Variants in TUBGCP5 observed in about 807,000 individuals in gnomAD.
TUBGCP5 encodes the protein tubulin gamma complex component 5.
A neutral mutation model predicts 134.7 loss-of-function variants in TUBGCP5; 98 were observed. That is an observed-to-expected ratio of 0.73 (90% CI 0.62 to 0.86). TUBGCP5 has a LOEUF of 0.86. Ranked by LOEUF, TUBGCP5 falls within the 40% of genes least tolerant of loss-of-function variation. TUBGCP5 has a pLI of 0.00. For synonymous variants in TUBGCP5, 456 were observed against 431.4 expected (o/e 1.06, Z -0.71); for missense variants, 1,150 against 1,244.8 (o/e 0.92, Z 1.15).
rs560459548 is a variant in TUBGCP5 at position 23,007,617 on chromosome 15, CA to C, written c.2327+1081del. On this transcript the variant is annotated intron_variant, in intron 16 of 22. Coordinates refer to ENST00000615383, the MANE Select transcript of TUBGCP5 (RefSeq NM_052903.6). ...GGCCCATGAACTGGAGACTATGTCA[CA>C]GGGGGGCGGGAGGACAGCACTAGCA... 3.0e-3 allele frequency among the ~76,000 whole-genome samples: 462 copies of C among 152,256 alleles called. 2 individuals carry two copies. The highest frequency in any genetic ancestry group is 3.2e-3 in the Non-Finnish European group (219 of 68,020).
intron 1 of TUBGCP5, among the ~76,000 whole-genome samples, chr15:23,038,716 C>T (rs900880105): frequency 5.3e-5 from 8 of 152,028 alleles, no homozygotes; most frequent in African/African-American, 1.4e-4. Flanking sequence ...GGTAATGACT[C>T]TAAAAGTATT....
rs116377868 is a variant in TUBGCP5 at position 23,031,794 on chromosome 15, C to T, written c.486+156G>A. On this transcript the variant is annotated intron_variant, in intron 5 of 22. Coordinates refer to ENST00000615383, the MANE Select transcript of TUBGCP5 (RefSeq NM_052903.6). ...ACTTCTTACCACTAATGATTTGGTG[C>T]GAAATCCTAATCAGTCTTCCATAAT... is the stretch of plus-strand genomic sequence containing the variant. 9.6e-3 allele frequency among the ~76,000 whole-genome samples: 1,463 copies of T among 152,110 alleles called. 21 individuals carry two copies. Among genetic ancestry groups the T allele is most frequent in the African/African-American group, 0.033 (1,376 of 41,476 alleles).
chr15:23,010,988 CAA>C (rs371870854), intron 14 of TUBGCP5, 143 bp downstream of exon 14: 1,098 of 627,192 alleles, frequency 1.8e-3, no homozygotes, highest in South Asian at 2.2e-3. Context: ...CTCAAACAAA[CAA>C]AAAAAAAAAA....
At chr15:22,984,445 C>A (rs2063622019) in intron 23 of TUBGCP5, among the ~76,000 whole-genome samples, 2 of 152,022 alleles carry the variant, frequency 1.3e-5, no homozygotes, top group Admixed American at 1.3e-4. Context: ...CGTGGCGAAA[C>A]CCTGTCTCTA....
Position 23,039,545 on chromosome 15 carries a change from T to C in TUBGCP5, c.-2A>G, listed in dbSNP as rs573198668. The C allele has an allele frequency of 7.0e-5, 102 of 1,452,186 alleles. No homozygotes were observed. In the African/African-American group the frequency reaches 1.4e-3, roughly 20 times the overall value. 90.0% of individuals were successfully genotyped at this position (1,452,186 alleles called of 1,614,324 possible). A position where few individuals can be genotyped will look rare whatever the true frequency, so the allele number is the denominator to read the frequency against. ...CCACGGTGGCCCGTGCCGCGCCATG[T>C]TCCGCGCTCCTGCAGCGCGCGTCTA... On this transcript the variant is annotated 5_prime_UTR_variant, in exon 1 of 23. Transcript: ENST00000615383.
chr15:23,026,140 G>C lies in TUBGCP5; in HGVS notation c.803C>G (p.Thr268Ser), dbSNP rs777865631. 5 of 1,610,182 alleles carry C rather than the reference G, an allele frequency of 3.1e-6. No individual in the cohort carries two copies. The South Asian group carries it at 4.4e-5, about 14-fold the overall frequency. The part of the protein sequence containing the change: ...VPDDRVLVTE[T>S]QVIRETLWLL... Reference sequence around the variant, plus strand: ...CCATAGGGTTTCCCGAATAACCTGAGTCTCAGTAACCAAAACCCTGTCATC... The same window carrying C: ...CCATAGGGTTTCCCGAATAACCTGACTCTCAGTAACCAAAACCCTGTCATC... Residue 268 changes from threonine to serine, a missense_variant, in exon 8 of 23, where the codon ACT (threonine) becomes AGT (serine). By Grantham distance (58) the Thr-to-Ser change is moderately conservative. This residue lies in a region of TUBGCP5 where 453 missense variants were observed against 394.7 expected (regional missense o/e 1.15). Coordinates refer to ENST00000615383, the MANE Select transcript of TUBGCP5 (RefSeq NM_052903.6).
intron 11 of TUBGCP5, among the ~76,000 whole-genome samples, chr15:23,020,157 C>A (rs1367124278): frequency 6.6e-6 from 1 of 151,718 alleles, no homozygotes; most frequent in Non-Finnish European, 1.5e-5. Flanking sequence ...GCCTGTAATC[C>A]CAGCACTTTG....
chr15:23,020,183 C>T (rs961046116), intron 11 of TUBGCP5, among the ~76,000 whole-genome samples: 14 of 151,596 alleles, frequency 9.2e-5, no homozygotes, highest in East Asian at 1.9e-4. Flanking sequence ...CCGAGGTAGG[C>T]GGATCAGGAG....
chr15:23,020,819 G>A (rs2065641619), intron 11 of TUBGCP5, among the ~76,000 whole-genome samples: 1 of 152,026 alleles, frequency 6.6e-6, no homozygotes, highest in Non-Finnish European at 1.5e-5. Context: ...GCTCACTGCA[G>A]CCTTGACCTT....
chr15:22,997,258 C>A (rs1281867454), downstream of TUBGCP5, among the ~76,000 whole-genome samples: 3 of 151,888 alleles, frequency 2.0e-5, no homozygotes, highest in African/African-American at 7.3e-5. Flanking sequence ...CGGCTCACTG[C>A]AACCTCTGCC....
chr15:23,033,388 C>A (rs1406721914), intron 3 of TUBGCP5, among the ~76,000 whole-genome samples: 1 of 152,078 alleles, frequency 6.6e-6, no homozygotes, highest in Non-Finnish European at 1.5e-5. Context: ...AAGTGATTCT[C>A]CTGTCTCAGC....
chr15:22,985,218 TTC>T (rs931562982), intron 23 of TUBGCP5, among the ~76,000 whole-genome samples: 2 of 146,102 alleles, frequency 1.4e-5, no homozygotes, highest in African/African-American at 5.0e-5. Flanking sequence ...CTTTTGTTTT[TTC>T]TTTTTTGTTT....
At chr15:23,026,738 GC>G (rs1460078386) in intron 7 of TUBGCP5, among the ~76,000 whole-genome samples, 1 of 152,070 alleles carries the variant, frequency 6.6e-6, no homozygotes, top group African/African-American at 2.4e-5. Context: ...TTCAAGACCA[GC>G]CTGGCCAACA....
intron 23 of TUBGCP5, among the ~76,000 whole-genome samples, chr15:22,989,163 T>C (rs1005427353): frequency 5.3e-5 from 8 of 152,110 alleles, no homozygotes; most frequent in Admixed American, 2.6e-4. Context: ...CCTAATTCCA[T>C]CTGCAATTTT....
At chr15:23,024,684 A>T in intron 9 of TUBGCP5, 53 bp downstream of exon 9, 1 of 932,448 alleles carries the variant, frequency 1.1e-6, no homozygotes, top group Non-Finnish European at 1.6e-6. Flanking sequence ...AAATTATATT[A>T]CTAGTTTACA....
At position 22,999,705 on chromosome 15, in the gene TUBGCP5, G is replaced by T; in HGVS notation, c.*115C>A. 1 of 1,204,054 alleles carries T rather than the reference G, an allele frequency of 8.3e-7. No individual in the cohort carries two copies. The highest frequency in any genetic ancestry group is 1.2e-6 in the Non-Finnish European group (1 of 829,998). The allele number at this position is 1,204,054 out of a possible 1,614,324, so 74.6% of individuals were successfully genotyped here. A position where few individuals can be genotyped will look rare whatever the true frequency, so the allele number is the denominator to read the frequency against. ...CATGAGCGACTGTGCCAGGCTGACT[G>T]TGGACAAGTTTTACAAATAAACCAA... On this transcript the variant is annotated 3_prime_UTR_variant, in exon 23 of 23. Coordinates refer to ENST00000615383, the MANE Select transcript of TUBGCP5 (RefSeq NM_052903.6).
chr15:23,001,756 C>CT (rs1283311405), intron 21 of TUBGCP5, among the ~76,000 whole-genome samples: 2 of 151,894 alleles, frequency 1.3e-5, no homozygotes, highest in East Asian at 3.9e-4. Context: ...ACATGCCAAG[C>CT]TTACACCTCC....
chr15:22,992,109 C>G (rs1017724525), intron 23 of TUBGCP5, among the ~76,000 whole-genome samples: 1 of 152,090 alleles, frequency 6.6e-6, no homozygotes. Context: ...GAATTGCAGT[C>G]GTACGACCTG....
rs746808156 is a variant in TUBGCP5 at position 23,008,690 on chromosome 15, A to G, written c.2327+9T>C. On this transcript the variant is annotated intron_variant, in intron 16 of 22. Coordinates refer to ENST00000615383, the MANE Select transcript of TUBGCP5 (RefSeq NM_052903.6). ...ACTAATTTAAATAAAGGTGGCGTCCATATTTTACCGTGAACTATCTTCAGG... is the reference window on the plus strand; with the variant it reads ...ACTAATTTAAATAAAGGTGGCGTCCGTATTTTACCGTGAACTATCTTCAGG... 4 of 1,605,710 alleles carry G rather than the reference A, an allele frequency of 2.5e-6. No homozygotes were observed. Among genetic ancestry groups the G allele is most frequent in the Non-Finnish European group, 3.4e-6 (4 of 1,178,106 alleles).
Sources: gnomAD v4.1 joint callset for allele counts (sites outside exome capture counted in the v4.1 genomes callset) on GRCh38, gnomAD v4.1.1 for gene constraint, gnomAD v4.1.1 regional missense constraint, MANE v1.5 for transcripts, NCBI Gene and HGNC (gene_info 2026-07-23, HGNC 2026-07-21) for gene names.